Variants in PLCH1 observed in about 807,000 individuals in gnomAD.
PLCH1 encodes the protein 1-phosphatidylinositol 4,5-bisphosphate phosphodiesterase eta-1.
In PLCH1, 60 loss-of-function variants were observed where a neutral mutation model predicts 126.7. The observed-to-expected ratio is 0.47, with a 90% CI of 0.38 to 0.59. The LOEUF (loss-of-function observed/expected upper bound fraction) is 0.59, where lower values mean the gene tolerates loss of function less well. Among genes scored for constraint, PLCH1 ranks in the 20% least tolerant of loss-of-function variants. The pLI, the probability that PLCH1 is intolerant of heterozygous loss-of-function variation, is 0.00. For missense variants in PLCH1, 1,723 were observed against 2,040.0 expected (o/e 0.84, Z 2.99); for synonymous variants, 719 against 734.9 (o/e 0.98, Z 0.35).
intron 6 of PLCH1, among the ~76,000 whole-genome samples, chr3:155,577,132 C>T (rs942022700): frequency 8.5e-5 from 13 of 152,078 alleles, no homozygotes; most frequent in African/African-American, 3.1e-4. Context: ...TGATGATACA[C>T]ACCTGTAGTC....
intron 11 of PLCH1, among the ~76,000 whole-genome samples, chr3:155,523,599 T>C (rs1165636092): frequency 6.6e-6 from 1 of 152,186 alleles, no homozygotes; most frequent in Non-Finnish European, 1.5e-5. Context: ...TCAAAGACAG[T>C]AACATTTCCA....
At chr3:155,604,542 AAAGAAAGGG>A (rs1734130444) in intron 2 of PLCH1, among the ~76,000 whole-genome samples, 1 of 152,234 alleles carries the variant, frequency 6.6e-6, no homozygotes, top group East Asian at 1.9e-4. Flanking sequence ...GAATTCGGTC[AAAGAAAGGG>A]TGAAAGGAAT....
At chr3:155,516,373 T>C (rs1720310716) in intron 11 of PLCH1, among the ~76,000 whole-genome samples, 1 of 152,126 alleles carries the variant, frequency 6.6e-6, no homozygotes, top group Non-Finnish European at 1.5e-5. Flanking sequence ...ATTTCAACAG[T>C]GATGGAAAGA....
At chr3:155,559,788 T>G (rs143702005) in intron 8 of PLCH1, among the ~76,000 whole-genome samples, 10 of 152,194 alleles carry the variant, frequency 6.6e-5, no homozygotes, top group Non-Finnish European at 1.5e-4. Flanking sequence ...CAGCAGCGAC[T>G]GGAAAACAGG....
At position 155,492,780 on chromosome 3, in the gene PLCH1, A is replaced by C. The variant is rs750329102; in HGVS notation, c.2256T>G (p.Ser752Arg). 1 of 1,606,792 alleles carries C rather than the reference A, an allele frequency of 6.2e-7. No individual in the cohort carries two copies. Among genetic ancestry groups the C allele is most frequent in the Non-Finnish European group, 8.5e-7 (1 of 1,176,986 alleles). ...CTGGAGGTTTGGGGAGTTGCTGTCC[A>C]CTGATAACTTTCAGGATGAGCTGCT... The part of the protein sequence containing the change: ...PKKQLILKVI[S>R]GQQLPKPPDS... The change falls in exon 18 of 23, where the codon AGT becomes AGG. Residue 752 changes from serine (S) to arginine (R), a missense_variant. Ser to Arg is a moderately radical substitution (Grantham distance 110). Around this residue, in one of 2 missense-constraint regions of PLCH1, gnomAD observed 776 missense variants for 1,062.9 expected, o/e 0.73. Transcript: ENST00000460012.
rs1398797917 is a variant in PLCH1, at chr3:155,481,516, G to A, written c.4510C>T (p.Gln1504Ter). 1.2e-6 allele frequency: 2 copies of A among 1,614,018 alleles called. No individual in the cohort carries two copies. The highest frequency in any genetic ancestry group is 1.7e-5 in the Admixed American group (1 of 60,012). Residue 1504 changes from glutamine to a stop codon, truncating the protein, a stop_gained, in exon 23 of 23, where the codon CAG becomes TAG. Transcript: ENST00000460012. LOFTEE classifies it low-confidence loss of function (END_TRUNC). The surrounding 1 kb of genome is among the most constrained non-coding windows in gnomAD (Gnocchi z 4.2). ...GTAACAAAACTCTTACTAATACACT[G>A]GTACTTGCTCTCAAAATTGCAGGCA... ...DIACNFESKYQCISKSFVTTG... is the reference protein window; with the variant it reads ...DIACNFESKY
At chr3:155,631,952 T>G (rs1738089901) in intron 2 of PLCH1, among the ~76,000 whole-genome samples, 1 of 148,206 alleles carries the variant, frequency 6.7e-6, no homozygotes, top group Non-Finnish European at 1.5e-5. Context: ...AACATAAAAA[T>G]AGTCAAGATT....
At chr3:155,471,964 A>C (rs1292460474) in intron 21 of PLCH1, among the ~76,000 whole-genome samples, 9 of 152,182 alleles carry the variant, frequency 5.9e-5, no homozygotes, top group African/African-American at 2.2e-4. Flanking sequence ...AAATGCCCAC[A>C]AGAGAAAGCA....
intron 14 of PLCH1, among the ~76,000 whole-genome samples, chr3:155,500,078 A>G (rs934791410): frequency 6.6e-6 from 1 of 152,188 alleles, no homozygotes; most frequent in Non-Finnish European, 1.5e-5. Flanking sequence ...TATGGTATAA[A>G]TAAACTGCCA....
chr3:155,482,429 GT>G lies in PLCH1; in HGVS notation c.3596del (p.Asn1199ThrfsTer16). ...GAGAAACAACTGTGAGAGCCTGATT[GT>G]TGGTCTCATCAAACTGGCCAATCAG... Reference protein sequence around the residue: ...SALIGQFDETNNQALTVVSHL... With the variant: ...SALIGQFDETXNQALTVVSHL... On this transcript the variant is annotated frameshift_variant, in exon 23 of 23. Transcript: ENST00000460012. LOFTEE classifies it low-confidence loss of function (END_TRUNC). The G allele has an allele frequency of 6.2e-7, 1 of 1,614,150 alleles. No individual in the cohort carries two copies. The highest frequency in any genetic ancestry group is 1.6e-4 in the Middle Eastern group (1 of 6,062).
intron 6 of PLCH1, among the ~76,000 whole-genome samples, chr3:155,573,094 T>C (rs899318857): frequency 1.3e-5 from 2 of 152,152 alleles, no homozygotes; most frequent in African/African-American, 4.8e-5. Flanking sequence ...ATTTGAATCA[T>C]TCTGATAACA....
intron 11 of PLCH1, among the ~76,000 whole-genome samples, chr3:155,520,409 A>G (rs1470931691): frequency 1.3e-5 from 2 of 152,212 alleles, no homozygotes; most frequent in East Asian, 3.8e-4. Flanking sequence ...AAAAATTGCT[A>G]CATGTCACTG....
chr3:155,486,169 A>G (rs1715051497), intron 21 of PLCH1: 14 of 1,547,202 alleles, frequency 9.0e-6, no homozygotes, highest in Non-Finnish European at 1.2e-5. Context: ...TAGAAAGTGC[A>G]ATATAGTATA....
In PLCH1 at chr3:155,523,914, T is replaced by C. The variant is rs780096758; in HGVS notation, c.1453A>G (p.Lys485Glu). The C allele has an allele frequency of 2.5e-6, 4 of 1,592,678 alleles. No individual in the cohort carries two copies. In the East Asian group the frequency reaches 9.0e-5, roughly 36 times the overall value. Residue 485 changes from lysine (K) to glutamate (E), a missense_variant, in exon 11 of 23, where the codon AAA becomes GAA. Lys to Glu is a moderately conservative substitution (Grantham distance 56). This residue lies in a region of PLCH1 where 776 missense variants were observed against 1,062.9 expected (regional missense o/e 0.73). Transcript: ENST00000460012. The stretch of plus-strand genomic sequence containing the variant: ...CAACTTACATAATGGAGCTTGAATT[T>C]GCACTCGTCTTCAATTTCATCTGCA... ...DSADEIEDEC[K>E]FKLHYSNGTT...
Position 155,596,342 on chromosome 3 carries a change from T to C in PLCH1, c.116A>G (p.Gln39Arg). Residue 39 changes from glutamine (Q) to arginine (R), a missense_variant, in exon 3 of 23, where the codon CAG becomes CGG. Transcript: ENST00000460012. ...GGTTCCACGTTTCAGCTTGATCATC[T>C]GTGTCCCGGACTGCATCACACTCAT... ...RCMSVMQSGT[Q>R]MIKLKRGTKG... 1 of 1,613,724 alleles carries C rather than the reference T, an allele frequency of 6.2e-7. No homozygotes were observed. Among genetic ancestry groups the C allele is most frequent in the Non-Finnish European group, 8.5e-7 (1 of 1,179,756 alleles).
chr3:155,589,011 C>CT (rs1213139456), intron 4 of PLCH1, among the ~76,000 whole-genome samples: 1 of 152,008 alleles, frequency 6.6e-6, no homozygotes, highest in Non-Finnish European at 1.5e-5. Flanking sequence ...TATGAGTGTC[C>CT]AATAAAGCCC....
intron 1 of PLCH1, among the ~76,000 whole-genome samples, chr3:155,707,960 G>A (rs941239116): frequency 5.9e-5 from 9 of 152,148 alleles, no homozygotes; most frequent in South Asian, 2.1e-4. Context: ...CTGCCTTCAT[G>A]AAATGCCCCC....
At chr3:155,487,912 A>C (rs1461654735) in intron 21 of PLCH1, 116 bp downstream of exon 21, 2 of 668,460 alleles carry the variant, frequency 3.0e-6, no homozygotes, top group Non-Finnish European at 5.3e-6. Context: ...GCCTCCTTAG[A>C]GTTTTTGGTT....
rs188986056 is a variant in PLCH1 at position 155,712,429 on chromosome 3, C to T, written c.-40-8165G>A. 1.0e-3 allele frequency among the ~76,000 whole-genome samples: 159 copies of T among 152,172 alleles called. 1 individual carries two copies. Among genetic ancestry groups the T allele is most frequent in the African/African-American group, 3.7e-3 (152 of 41,506 alleles). On this transcript the variant is annotated intron_variant, in intron 1 of 22. Transcript: ENST00000460012. ...AGCTATTTTCAAATGTGACGCAAAT[C>T]TATATTGCTGCTTTAACCTGAGTTT... is the stretch of plus-strand genomic sequence containing the variant.
Sources: gnomAD v4.1 joint callset for allele counts (sites outside exome capture counted in the v4.1 genomes callset) on GRCh38, gnomAD v4.1.1 for gene constraint, gnomAD v4.1.1 regional missense constraint, Gnocchi (gnomAD v3.1) non-coding constraint, MANE v1.5 for transcripts, NCBI Gene and HGNC (gene_info 2026-07-23, HGNC 2026-07-21) for gene names.